PPP1R12A: variants seen among roughly 807,000 people sequenced by gnomAD.
PPP1R12A encodes myosin binding subunit.
PPP1R12A carries 19 observed loss-of-function variants against 139.6 expected under a neutral mutation model. That is an observed-to-expected ratio of 0.14 (90% CI 0.09 to 0.20). The LOEUF (loss-of-function observed/expected upper bound fraction) is 0.20. Among genes scored for constraint, PPP1R12A ranks in the 10% least tolerant of loss-of-function variants. The probability of loss-of-function intolerance (pLI) is 1.00; values close to 1 mark genes in which losing one functional copy is unlikely to be tolerated. For missense variants in PPP1R12A, 925 were observed against 1,211.5 expected (o/e 0.76, Z 3.51); for synonymous variants, 427 against 420.6 (o/e 1.02, Z -0.19).
intron 3 of PPP1R12A, among the ~76,000 whole-genome samples, chr12:79,843,150 T>C (rs1303671829): frequency 4.6e-5 from 7 of 152,228 alleles, no homozygotes; most frequent in African/African-American, 1.4e-4. Flanking sequence ...TTTCACTGTA[T>C]ATATATTTCA....
intron 1 of PPP1R12A, among the ~76,000 whole-genome samples, chr12:79,915,134 G>C (rs1886893230): frequency 6.6e-6 from 1 of 151,978 alleles, no homozygotes; most frequent in Non-Finnish European, 1.5e-5. Flanking sequence ...ATTCCTTTTT[G>C]TTTTTCAAGG....
At position 79,775,763 on chromosome 12, in the gene PPP1R12A, A is replaced by G; in HGVS notation, c.*166T>C. 4.5e-6 allele frequency: 2 copies of G among 441,734 alleles called. No individual in the cohort carries two copies. Among genetic ancestry groups the G allele is most frequent in the Non-Finnish European group, 7.9e-6 (2 of 254,116 alleles). The allele number at this position is 441,734 out of a possible 1,614,324, so 27.4% of individuals were successfully genotyped here. A position where few individuals can be genotyped will look rare whatever the true frequency, so the allele number is the denominator to read the frequency against. On this transcript the variant is annotated 3_prime_UTR_variant, in exon 25 of 25. Transcript: ENST00000450142. ...AAACCAACAACAACAAAAACACCCC[A>G]GAAAATTAAACAAAATGAAACAAAA...
rs946079934 is a variant in PPP1R12A, at chr12:79,880,602, C to G, written c.238-7664G>C. Among the ~76,000 whole-genome samples, 4 of 152,150 alleles carry G rather than the reference C, an allele frequency of 2.6e-5. No homozygotes were observed. In the East Asian group the frequency reaches 7.7e-4, roughly 29 times the overall value. ...TAGTAGGAGAAAGTAGAAAAAAACA[C>G]TTTAGAATTTCAAGATGATGCTTGA... On this transcript the variant is annotated intron_variant, in intron 1 of 24. Coordinates refer to ENST00000450142, the MANE Select transcript of PPP1R12A (RefSeq NM_002480.3).
upstream of PPP1R12A, chr12:79,935,204 A>C: frequency 7.6e-7 from 1 of 1,308,240 alleles, no homozygotes; most frequent in Non-Finnish European, 9.7e-7. Context: ...ACTTCGCGAG[A>C]TCCGGACTGG....
intron 1 of PPP1R12A, among the ~76,000 whole-genome samples, chr12:79,907,705 C>T (rs765070840): frequency 6.6e-6 from 1 of 152,128 alleles, no homozygotes; most frequent in Non-Finnish European, 1.5e-5. Context: ...TCAAGACCTG[C>T]CTGAGCAACA....
intron 1 of PPP1R12A, among the ~76,000 whole-genome samples, chr12:79,919,669 A>G (rs1887289269): frequency 6.6e-6 from 1 of 152,140 alleles, no homozygotes; most frequent in African/African-American, 2.4e-5. Flanking sequence ...TAAATTTATA[A>G]TTGTCTGTGT....
At chr12:79,913,725 A>G (rs779729073) in intron 1 of PPP1R12A, 7 of 152,276 alleles carry the variant, frequency 4.6e-5, no homozygotes, top group Admixed American at 6.5e-5. Context: ...CAATGCACAC[A>G]TATCTGGGAT....
chr12:79,872,252 C>A (rs1882653215), intron 2 of PPP1R12A, among the ~76,000 whole-genome samples: 1 of 151,956 alleles, frequency 6.6e-6, no homozygotes, highest in African/African-American at 2.4e-5. Flanking sequence ...TTCAAGATAT[C>A]TATACTTCCA....
intron 2 of PPP1R12A, among the ~76,000 whole-genome samples, chr12:79,871,740 A>G (rs549400215): frequency 6.6e-6 from 1 of 152,274 alleles, no homozygotes; most frequent in African/African-American, 2.4e-5. Flanking sequence ...TTGAGCAGGA[A>G]AAGTCCAAAA....
At chr12:79,790,569 T>C in intron 19 of PPP1R12A, 86 bp from the exon 20 acceptor site, 2 of 943,894 alleles carry the variant, frequency 2.1e-6, no homozygotes, top group Non-Finnish European at 3.0e-6. Context: ...AAATTTAATG[T>C]AGTATCAATA....
intron 19 of PPP1R12A, 41 bp from the exon 20 acceptor site, chr12:79,790,524 T>C: frequency 1.5e-6 from 2 of 1,334,088 alleles, no homozygotes; most frequent in Non-Finnish European, 2.0e-6. Context: ...TAAATTTTTA[T>C]GCTTTCATTA....
At chr12:79,875,600 T>C (rs1295221778) in intron 1 of PPP1R12A, among the ~76,000 whole-genome samples, 4 of 152,228 alleles carry the variant, frequency 2.6e-5, no homozygotes, top group Non-Finnish European at 4.4e-5. Context: ...AATAAACTGA[T>C]CAGTAGACAT....
intron 3 of PPP1R12A, among the ~76,000 whole-genome samples, chr12:79,839,720 T>C (rs989615643): frequency 1.3e-5 from 2 of 152,148 alleles, no homozygotes; most frequent in African/African-American, 4.8e-5. Context: ...CTGTCATGAC[T>C]GCATGATTGT....
At chr12:79,881,755 G>A (rs937782396) in intron 1 of PPP1R12A, among the ~76,000 whole-genome samples, 4 of 152,198 alleles carry the variant, frequency 2.6e-5, no homozygotes, top group Non-Finnish European at 5.9e-5. Context: ...AGCTTGAGAG[G>A]AGAAATCAAT....
chr12:79,879,243 G>A (rs911536496), intron 1 of PPP1R12A, among the ~76,000 whole-genome samples: 6 of 152,078 alleles, frequency 3.9e-5, no homozygotes, highest in Admixed American at 1.3e-4. Context: ...AGCCAGGCAC[G>A]GTGGCACATG....
chr12:79,837,079 C>T (rs934438441), intron 3 of PPP1R12A, among the ~76,000 whole-genome samples: 1 of 152,136 alleles, frequency 6.6e-6, no homozygotes, highest in South Asian at 2.1e-4. Flanking sequence ...TATGATTCTG[C>T]TTCTCTTTTC....
intron 22 of PPP1R12A, among the ~76,000 whole-genome samples, chr12:79,784,088 G>A (rs146843084): frequency 8.4e-4 from 128 of 151,990 alleles, no homozygotes; most frequent in African/African-American, 3.0e-3. Flanking sequence ...TATCAAAACT[G>A]CCACTGCTAT....
intron 2 of PPP1R12A, among the ~76,000 whole-genome samples, chr12:79,864,470 G>A (rs1881733736): frequency 6.6e-6 from 1 of 151,926 alleles, no homozygotes; most frequent in South Asian, 2.1e-4. Flanking sequence ...GCTAGCAGAA[G>A]ACAAGCAATA....
At chr12:79,924,949 T>C (rs1378906987) in intron 1 of PPP1R12A, among the ~76,000 whole-genome samples, 2 of 152,130 alleles carry the variant, frequency 1.3e-5, no homozygotes, top group Non-Finnish European at 2.9e-5. Context: ...TTTTAGAAAA[T>C]ATCATGTAAT....
Sources: allele counts gnomAD v4.1 joint callset (sites outside exome capture counted in the v4.1 genomes callset), GRCh38; gene constraint gnomAD v4.1.1; transcripts MANE v1.5; gene names NCBI Gene and HGNC (gene_info 2026-07-23, HGNC 2026-07-21).